The following SLC4A4 variants were observed in gnomAD, a reference collection of about 807,000 sequenced individuals.
The protein encoded by SLC4A4 is solute carrier family 4 member 4.
A neutral mutation model predicts 111.5 loss-of-function variants in SLC4A4; 27 were observed. The ratio of observed to expected loss-of-function variants is 0.24; its 90% CI spans 0.18 to 0.33. SLC4A4 has a LOEUF of 0.33. Among genes scored for constraint, SLC4A4 ranks in the 10% least tolerant of loss-of-function variants. The probability of loss-of-function intolerance (pLI) is 1.00; values close to 1 mark genes in which losing one functional copy is unlikely to be tolerated. For missense variants in SLC4A4, 909 were observed against 1,315.5 expected, an observed-to-expected ratio of 0.69 and a Z score of 4.78; for synonymous variants, 443 against 463.4, an observed-to-expected ratio of 0.96 and a Z score of 0.57.
chr4:71,161,240 T>A (rs542583387), intron 2 of SLC4A4, among the ~76,000 whole-genome samples: 2 of 152,330 alleles, frequency 1.3e-5, no homozygotes, highest in African/African-American at 4.8e-5. Flanking sequence ...TTTGTGCTAT[T>A]TCCCTAAAGG....
chr4:71,477,649 T>G (rs1458319759), intron 14 of SLC4A4, among the ~76,000 whole-genome samples: 1 of 151,798 alleles, frequency 6.6e-6, no homozygotes, highest in African/African-American at 2.4e-5. Flanking sequence ...GGGCGAGGTG[T>G]TCAATTCTTC....
intron 18 of SLC4A4, among the ~76,000 whole-genome samples, chr4:71,538,516 G>A (rs897622081): frequency 5.9e-5 from 9 of 152,034 alleles, no homozygotes; most frequent in Admixed American, 3.9e-4. Context: ...TCTGAAAATT[G>A]TTTTGTTCAT....
intron 3 of SLC4A4, among the ~76,000 whole-genome samples, chr4:71,283,614 T>C (rs1308189023): frequency 6.6e-6 from 1 of 152,248 alleles, no homozygotes; most frequent in East Asian, 1.9e-4. Context: ...ACATTATTTC[T>C]ATATCTCCAC....
chr4:71,064,542 C>A (rs1229837232), intron 1 of SLC4A4, among the ~76,000 whole-genome samples: 2 of 151,942 alleles, frequency 1.3e-5, no homozygotes, highest in African/African-American at 4.8e-5. Context: ...AAAATTGAAC[C>A]CGTAGTGATA....
intron 1 of SLC4A4, among the ~76,000 whole-genome samples, chr4:71,082,152 G>A (rs920333191): frequency 1.1e-4 from 17 of 152,008 alleles, no homozygotes; most frequent in Non-Finnish European, 2.1e-4. Flanking sequence ...TCCCAGGAGC[G>A]TCTGTAGTAT....
Position 71,446,561 on chromosome 4 carries a change from C to A in SLC4A4, c.966-1085C>A, listed in dbSNP as rs140247761. The stretch of plus-strand genomic sequence containing the variant: ...TCTTTGTCATTTACTAGGCACAGAT[C>A]TTGGGCTCTTCCATTAACCTCCACC... On this transcript the variant is annotated intron_variant, in intron 8 of 25. Transcript: ENST00000264485. Among the ~76,000 whole-genome samples, 68 of 152,276 alleles carry A rather than the reference C, an allele frequency of 4.5e-4. 1 individual carries two copies. The East Asian group carries it at 0.013, about 28-fold the overall frequency.
At chr4:71,338,529 T>G (rs1698814455) in intron 3 of SLC4A4, among the ~76,000 whole-genome samples, 1 of 151,916 alleles carries the variant, frequency 6.6e-6, no homozygotes, top group African/African-American at 2.4e-5. Context: ...TCTTTTCTTC[T>G]TCTTCTTCTT....
At chr4:71,459,307 A>G (rs1726587974) in intron 12 of SLC4A4, among the ~76,000 whole-genome samples, 1 of 151,988 alleles carries the variant, frequency 6.6e-6, no homozygotes, top group African/African-American at 2.4e-5. Flanking sequence ...ATAAGATATA[A>G]TTATGTATTG....
chr4:71,218,015 A>C (rs1472559347), intron 1 of SLC4A4, among the ~76,000 whole-genome samples: 1 of 151,894 alleles, frequency 6.6e-6, no homozygotes, highest in African/African-American at 2.4e-5. Context: ...TCTTCTTGGC[A>C]ATGGGACTTT....
At chr4:71,103,482 C>G (rs1401095849) in intron 2 of SLC4A4, among the ~76,000 whole-genome samples, 2 of 152,096 alleles carry the variant, frequency 1.3e-5, no homozygotes, top group African/African-American at 4.8e-5. Context: ...TTTTCAGCAC[C>G]ACACCACACC....
At chr4:71,212,700 G>T (rs1718203298) in intron 1 of SLC4A4, among the ~76,000 whole-genome samples, 1 of 152,208 alleles carries the variant, frequency 6.6e-6, no homozygotes. Flanking sequence ...ACGTGTGTGT[G>T]TGAATAGGGT....
intron 15 of SLC4A4, among the ~76,000 whole-genome samples, chr4:71,495,469 C>T (rs1232175194): frequency 1.3e-5 from 2 of 152,070 alleles, no homozygotes; most frequent in Non-Finnish European, 2.9e-5. Flanking sequence ...TGATTAATCA[C>T]CTTTCAGAAG....
intron 14 of SLC4A4, among the ~76,000 whole-genome samples, chr4:71,481,603 A>G (rs1728886288): frequency 6.6e-6 from 1 of 151,734 alleles, no homozygotes; most frequent in Non-Finnish European, 1.5e-5. Context: ...GTGTTCCATT[A>G]TTGGAATGCT....
At chr4:71,098,867 G>A (rs1004680471) in intron 2 of SLC4A4, among the ~76,000 whole-genome samples, 1 of 152,056 alleles carries the variant, frequency 6.6e-6, no homozygotes, top group Non-Finnish European at 1.5e-5. Context: ...AGAAACAAGG[G>A]TATTACATAA....
At chr4:71,076,371 A>T (rs577963339) in intron 1 of SLC4A4, among the ~76,000 whole-genome samples, 76 of 152,226 alleles carry the variant, frequency 5.0e-4, no homozygotes, top group Non-Finnish European at 1.5e-5. Context: ...TCTCGACTAA[A>T]AATACCAAAA....
At chr4:71,364,673 T>TATTAAAA (rs1731087935) in intron 6 of SLC4A4, among the ~76,000 whole-genome samples, 1 of 152,190 alleles carries the variant, frequency 6.6e-6, no homozygotes, top group Non-Finnish European at 1.5e-5. Flanking sequence ...TTACAAAGGC[T>TATTAAAA]TCACCTTTTA....
chr4:71,384,793 T>C (rs1404330312), intron 6 of SLC4A4, among the ~76,000 whole-genome samples: 1 of 152,086 alleles, frequency 6.6e-6, no homozygotes, highest in African/African-American at 2.4e-5. Flanking sequence ...CAAAAACCTA[T>C]TTTTGTAGCA....
chr4:71,330,905 C>G (rs1020433216), intron 3 of SLC4A4, among the ~76,000 whole-genome samples: 1 of 152,162 alleles, frequency 6.6e-6, no homozygotes, highest in South Asian at 2.1e-4. Flanking sequence ...ACAACCCCAT[C>G]AAAAAGTGGG....
chr4:71,089,558 C>T lies in SLC4A4; in HGVS notation c.-64-3172C>T, dbSNP rs547491810. Among the ~76,000 whole-genome samples, 26 of 152,068 alleles carry T rather than the reference C, an allele frequency of 1.7e-4. 1 individual carries two copies. Among genetic ancestry groups the T allele is most frequent in the African/African-American group, 4.1e-4 (17 of 41,392 alleles). ...TACCTTTGGTCTTTGATGATGGTGACGTACAGATGGTGTTTTGGCGTGGAT... is the reference window on the plus strand; with the variant it reads ...TACCTTTGGTCTTTGATGATGGTGATGTACAGATGGTGTTTTGGCGTGGAT... On this transcript the variant is annotated intron_variant, in intron 1 of 26. Coordinates refer to the SLC4A4 transcript ENST00000649996.
Sources: gnomAD v4.1 joint callset for allele counts (sites outside exome capture counted in the v4.1 genomes callset) on GRCh38, gnomAD v4.1.1 for gene constraint, MANE v1.5 for transcripts, NCBI Gene and HGNC (gene_info 2026-07-23, HGNC 2026-07-21) for gene names.